The following RAD17 variants were observed in gnomAD, a reference collection of about 807,000 sequenced individuals.
RAD17 encodes RAD17 checkpoint clamp loader component.
Under a neutral mutation model 81.5 loss-of-function variants are expected in RAD17, and 31 were observed. That is an observed-to-expected ratio of 0.38 (90% CI 0.29 to 0.51). RAD17 has a LOEUF of 0.51. Among genes scored for constraint, RAD17 ranks in the 20% least tolerant of loss-of-function variants. The pLI is 0.88. For synonymous variants in RAD17, 261 were observed against 266.2 expected (o/e 0.98, Z 0.19); for missense variants, 681 against 781.2 (o/e 0.87, Z 1.53).
rs1322869343 is a variant in RAD17, at chr5:69,377,474, T to TATATATATATAC, written c.351+2764_351+2765insTATATATATACA. ...ATATATATATATATATATATATATA[T>TATATATATATAC]ACACACACACACATATATATACGTA... On this transcript the variant is annotated intron_variant, in intron 6 of 18. Coordinates refer to ENST00000354868, the MANE Select transcript of RAD17 (RefSeq NM_133338.3). Among the ~76,000 whole-genome samples, 3 of 10,204 alleles carry TATATATATATAC rather than the reference T, an allele frequency of 2.9e-4. 1 individual carries two copies. Among genetic ancestry groups the TATATATATATAC allele is most frequent in the South Asian group, 8.8e-3 (2 of 228 alleles). 6.7% of individuals were successfully genotyped at this position (10,204 alleles called of 152,430 possible).
intron 3 of RAD17, among the ~76,000 whole-genome samples, chr5:69,371,769 A>G (rs758434335): frequency 2.6e-5 from 4 of 152,222 alleles, no homozygotes; most frequent in Non-Finnish European, 2.9e-5. Context: ...AGTCCCAGTC[A>G]CAAAGGCTGA....
At position 69,414,053 on chromosome 5, in the gene RAD17, G is replaced by A. The variant is rs1005955937; in HGVS notation, c.1774G>A (p.Asp592Asn). The change falls in exon 19 of 19, where the codon GAC becomes AAC. Residue 592 changes from aspartate (D) to asparagine (N), a missense_variant. Transcript: ENST00000354868. ...FGRLKMEALTDREHGMIDPDS... is the reference protein window; with the variant it reads ...FGRLKMEALTNREHGMIDPDS... ...CAGATTGAAAATGGAAGCCCTGACT[G>A]ACAGGGAACATGGAATGATAGACCC... 1.9e-6 allele frequency: 3 copies of A among 1,614,064 alleles called. No individual in the cohort carries two copies.
intron 18 of RAD17, among the ~76,000 whole-genome samples, chr5:69,411,394 A>G (rs1357270478): frequency 4.6e-5 from 7 of 152,068 alleles, no homozygotes; most frequent in Admixed American, 4.6e-4. Context: ...CTGGGCAACA[A>G]AAGCAAAACT....
At position 69,369,830 on chromosome 5, in the gene RAD17, G is replaced by T; in HGVS notation, c.-520G>T. 1.0e-6 allele frequency: 1 copy of T among 984,120 alleles called. No homozygotes were observed. The highest frequency in any genetic ancestry group is 1.5e-6 in the Non-Finnish European group (1 of 662,344). 61.0% of individuals were successfully genotyped at this position (984,120 alleles called of 1,614,324 possible). On this transcript the variant is annotated 5_prime_UTR_variant, in exon 1 of 19. It adds an upstream start codon to the 5' untranslated region. Coordinates refer to ENST00000354868, the MANE Select transcript of RAD17 (RefSeq NM_133338.3). ...TCCCCGGGAGGCCGTACCTCCGAGA[G>T]GCTCGGCGTTGAGCCCGGGTAGGGC...
intron 6 of RAD17, among the ~76,000 whole-genome samples, chr5:69,376,669 T>C (rs1032894577): frequency 6.6e-6 from 1 of 152,072 alleles, no homozygotes; most frequent in African/African-American, 2.4e-5. Flanking sequence ...ACACCCAGAG[T>C]CCATTGTTTA....
chr5:69,374,549 G>A, intron 5 of RAD17, 79 bp from the exon 6 acceptor site: 2 of 879,496 alleles, frequency 2.3e-6, no homozygotes, highest in South Asian at 1.7e-5. Context: ...CGTTAATAAT[G>A]CTTAGGTTCA....
intron 17 of RAD17, among the ~76,000 whole-genome samples, chr5:69,405,255 G>A (rs528072183): frequency 1.3e-5 from 2 of 152,182 alleles, no homozygotes; most frequent in Middle Eastern, 3.4e-3. Context: ...TGTAATCCCA[G>A]CACTCTGGGA....
In RAD17 at chr5:69,384,993, A is replaced by G. The variant is rs1021002899; in HGVS notation, c.645+60A>G. ...TTTTGAAATGGAGTCTTGCTGTGTC[A>G]CTGTCACCCAGGCTGGAGTGCAGTG... is the stretch of plus-strand genomic sequence containing the variant. On this transcript the variant is annotated intron_variant, in intron 8 of 18. Transcript: ENST00000354868. The G allele has an allele frequency of 5.1e-6, 7 of 1,371,398 alleles. No individual in the cohort carries two copies. The South Asian group carries it at 7.2e-5, about 14-fold the overall frequency. The allele number at this position is 1,371,398 out of a possible 1,614,324, so 85.0% of individuals were successfully genotyped here.
chr5:69,396,296 A>G (rs1764881405), intron 15 of RAD17, 101 bp from the exon 16 acceptor site: 1 of 1,265,074 alleles, frequency 7.9e-7, no homozygotes, highest in African/African-American at 1.5e-5. Context: ...GAAAGTGAAC[A>G]CATAGAAACT....
At chr5:69,398,165 CCA>C (rs932627017) in intron 16 of RAD17, among the ~76,000 whole-genome samples, 1 of 151,926 alleles carries the variant, frequency 6.6e-6, no homozygotes, top group Non-Finnish European at 1.5e-5. Context: ...AGTGTTCTCA[CCA>C]CACACAAAAA....
intron 17 of RAD17, among the ~76,000 whole-genome samples, chr5:69,407,088 C>T (rs1446925509): frequency 2.7e-5 from 4 of 147,880 alleles, no homozygotes; most frequent in Admixed American, 6.9e-5. Context: ...CTGCAACCTC[C>T]AATTCCCAGG....
Position 69,392,705 on chromosome 5 carries a change from A to G in RAD17, c.1190-450A>G, listed in dbSNP as rs960711239. The G allele has an allele frequency of 4.8e-5, 20 of 414,818 alleles. No homozygotes were observed. In the Middle Eastern group the frequency reaches 1.0e-3, roughly 21 times the overall value. The allele number at this position is 414,818 out of a possible 1,614,324, so 25.7% of individuals were successfully genotyped here. ...ACTTTGAACCTGAGTGACTATTCCC[A>G]CCTGATTCTTTTCTTTCTCTCCTTT... On this transcript the variant is annotated intron_variant, in intron 13 of 18. Coordinates refer to ENST00000354868, the MANE Select transcript of RAD17 (RefSeq NM_133338.3).
At chr5:69,397,892 C>T (rs1351600988) in intron 16 of RAD17, among the ~76,000 whole-genome samples, 1 of 151,996 alleles carries the variant, frequency 6.6e-6, no homozygotes, top group Non-Finnish European at 1.5e-5. Flanking sequence ...CTGAGGCGGG[C>T]AGATCACGAG....
In RAD17 at chr5:69,384,798, A is replaced by C. The variant is rs573077755; in HGVS notation, c.510A>C (p.Glu170Asp). The change falls in exon 8 of 19, where the codon GAA (glutamate) becomes GAC (aspartate). Residue 170 changes from glutamate to aspartate, a missense_variant and splice_region_variant. Glu to Asp is a conservative substitution (Grantham distance 45). Coordinates refer to ENST00000354868, the MANE Select transcript of RAD17 (RefSeq NM_133338.3). ...AAGTGGTTATGTGTTTCCTTTCAGA[A>C]TCAAGCTTCCATATGTTTCCCTATC... ...KDDFKGMFNT[E>D]SSFHMFPYQS... 2.3e-5 allele frequency: 37 copies of C among 1,599,116 alleles called. No homozygotes were observed. In the South Asian group the frequency reaches 4.2e-4, roughly 18 times the overall value.
intron 7 of RAD17, among the ~76,000 whole-genome samples, chr5:69,382,601 A>G (rs1763925154): frequency 6.6e-6 from 1 of 152,148 alleles, no homozygotes; most frequent in Non-Finnish European, 1.5e-5. Context: ...TCTGGCTAGG[A>G]GGTTAGACAG....
chr5:69,374,109 T>C, intron 5 of RAD17, 22 bp downstream of exon 5: 2 of 1,578,192 alleles, frequency 1.3e-6, no homozygotes, highest in Non-Finnish European at 1.7e-6. Flanking sequence ...CATGCAGACA[T>C]ATCTACATAA....
At chr5:69,376,954 G>T (rs187787675) in intron 6 of RAD17, among the ~76,000 whole-genome samples, 1 of 152,076 alleles carries the variant, frequency 6.6e-6, no homozygotes, top group East Asian at 1.9e-4. Flanking sequence ...GGGTTTCACC[G>T]TGTTGGCCAG....
intron 12 of RAD17, among the ~76,000 whole-genome samples, 183 bp downstream of exon 12, chr5:69,389,328 C>G (rs930117023): frequency 2.0e-5 from 3 of 152,138 alleles, no homozygotes; most frequent in Non-Finnish European, 2.9e-5. Context: ...ATGAATATGT[C>G]GTAGTATATA....
At chr5:69,386,159 T>G in intron 9 of RAD17, 21 bp from the exon 10 acceptor site, 3 of 1,600,092 alleles carry the variant, frequency 1.9e-6, no homozygotes, top group Non-Finnish European at 2.6e-6. Flanking sequence ...ATTTCAACAT[T>G]GCTGTATTTT....
Sources: gnomAD v4.1 joint callset for allele counts (sites outside exome capture counted in the v4.1 genomes callset) on GRCh38, gnomAD v4.1.1 for gene constraint, MANE v1.5 for transcripts, NCBI Gene and HGNC (gene_info 2026-07-23, HGNC 2026-07-21) for gene names.